The following NXPE2 variants were observed in gnomAD, a reference collection of about 807,000 sequenced individuals.
The protein encoded by NXPE2 is neurexophilin and PC-esterase domain family member 2.
NXPE2 carries 34 observed loss-of-function variants against 34.4 expected under a neutral mutation model. The ratio of observed to expected loss-of-function variants is 0.99; its 90% CI spans 0.75 to 1.31. NXPE2 has a LOEUF of 1.31. Among genes scored for constraint, NXPE2 ranks in the 40% most tolerant of loss-of-function variants. NXPE2 has a pLI of 0.00. For missense variants in NXPE2, 649 were observed against 672.5 expected (o/e 0.97, Z 0.39); for synonymous variants, 235 against 231.3 (o/e 1.02, Z -0.15).
At chr11:114,766,969 A>G in the NXPE2 span, among the ~76,000 whole-genome samples, 736 of 151,742 alleles carry the variant, frequency 4.9e-3, 3 homozygotes, top group African/African-American at 0.016. Flanking sequence ...GAAGAATTAC[A>G]CCTTGAAATT....
At position 114,678,570 on chromosome 11, in the gene NXPE2, G is replaced by T; in HGVS notation, c.-6G>T. The T allele has an allele frequency of 6.5e-7, 1 of 1,547,002 alleles. No homozygotes were observed. The highest frequency in any genetic ancestry group is 8.7e-7 in the Non-Finnish European group (1 of 1,142,860). On this transcript the variant is annotated 5_prime_UTR_variant, in exon 1 of 6. Transcript: ENST00000389586. ...GACACTATAATTCCTGTGAGAACAC[G>T]AGAAGATGGTGGAGAAAATACTCAT...
At chr11:114,626,371 G>A in the NXPE2 span, among the ~76,000 whole-genome samples, 1 of 152,214 alleles carries the variant, frequency 6.6e-6, no homozygotes. Context: ...CCTGACCCCT[G>A]ACCCCCGAGC....
the NXPE2 span, among the ~76,000 whole-genome samples, chr11:114,464,941 GA>G: frequency 6.6e-6 from 1 of 151,670 alleles, no homozygotes; most frequent in Non-Finnish European, 1.5e-5. Context: ...CAATAAACAG[GA>G]AAAAAATGTT....
At chr11:114,532,974 G>A in the NXPE2 span, among the ~76,000 whole-genome samples, 1 of 152,142 alleles carries the variant, frequency 6.6e-6, no homozygotes, top group South Asian at 2.1e-4. Context: ...CATTTACTTA[G>A]CATTACAATT....
At chr11:114,703,714 TAGAC>T (rs950542253) in intron 3 of NXPE2, among the ~76,000 whole-genome samples, 2 of 91,924 alleles carry the variant, frequency 2.2e-5, no homozygotes, top group African/African-American at 3.9e-5. Context: ...GATAGATAGA[TAGAC>T]AGACAGACAG....
At chr11:114,601,832 TTATA>T in the NXPE2 span, among the ~76,000 whole-genome samples, 1 of 71,942 alleles carries the variant, frequency 1.4e-5, no homozygotes, top group East Asian at 4.6e-4. Context: ...TAATATATAA[TTATA>T]TATATAATAT....
the NXPE2 span, among the ~76,000 whole-genome samples, chr11:114,475,923 A>G: frequency 6.6e-6 from 1 of 152,228 alleles, no homozygotes; most frequent in African/African-American, 2.4e-5. Context: ...CACAGTAGCC[A>G]ATCACCAACA....
the NXPE2 span, chr11:114,581,779 C>T: frequency 6.2e-7 from 1 of 1,608,122 alleles, no homozygotes; most frequent in Non-Finnish European, 8.5e-7. Flanking sequence ...TCTACACCCA[C>T]ATTTGACCTT....
At chr11:114,588,798 A>T in the NXPE2 span, among the ~76,000 whole-genome samples, 4 of 152,204 alleles carry the variant, frequency 2.6e-5, no homozygotes, top group Admixed American at 6.5e-5. Flanking sequence ...TGAAAGAAGC[A>T]CTAATAAAAC....
the NXPE2 span, among the ~76,000 whole-genome samples, chr11:114,637,895 C>T: frequency 1.3e-5 from 2 of 152,000 alleles, no homozygotes; most frequent in South Asian, 2.1e-4. Context: ...CTGCCCTTAA[C>T]ATTTTTTCCT....
the NXPE2 span, among the ~76,000 whole-genome samples, chr11:114,627,908 C>G: frequency 2.6e-5 from 4 of 151,562 alleles, no homozygotes. Context: ...CAACAAAGAT[C>G]AAAAGAGACA....
the NXPE2 span, among the ~76,000 whole-genome samples, chr11:114,807,868 A>G: frequency 6.6e-6 from 1 of 152,076 alleles, no homozygotes; most frequent in African/African-American, 2.4e-5. Flanking sequence ...AGACCTCTCC[A>G]CCCCAAATCA....
chr11:114,763,206 A>G, the NXPE2 span, among the ~76,000 whole-genome samples: 2 of 152,170 alleles, frequency 1.3e-5, no homozygotes, highest in Non-Finnish European at 2.9e-5. Flanking sequence ...AAAGACTTCT[A>G]CTATTTGTTC....
the NXPE2 span, among the ~76,000 whole-genome samples, chr11:114,748,365 A>G: frequency 1.3e-5 from 2 of 152,174 alleles, no homozygotes; most frequent in African/African-American, 2.4e-5. Context: ...ATTAACATTG[A>G]TGCATCACTA....
the NXPE2 span, chr11:114,512,780 C>A: frequency 5.9e-6 from 1 of 170,342 alleles, no homozygotes; most frequent in Non-Finnish European, 1.3e-5. Context: ...TGTGCTGTGT[C>A]TCTGGTAGTC....
the NXPE2 span, among the ~76,000 whole-genome samples, chr11:114,755,028 T>C: frequency 1.3e-5 from 2 of 152,178 alleles, no homozygotes; most frequent in Non-Finnish European, 1.5e-5. Flanking sequence ...TTTTGCAATG[T>C]GGAGGTCATT....
intron 2 of NXPE2, among the ~76,000 whole-genome samples, chr11:114,686,509 A>G (rs986246586): frequency 6.6e-6 from 1 of 152,088 alleles, no homozygotes; most frequent in Non-Finnish European, 1.5e-5. Context: ...TTCTTTATTC[A>G]ATCCACCATT....
the NXPE2 span, among the ~76,000 whole-genome samples, chr11:114,467,367 A>C: frequency 6.6e-6 from 1 of 152,186 alleles, no homozygotes; most frequent in Admixed American, 6.5e-5. Context: ...AAAAAGCCAA[A>C]TCTTTACTTT....
chr11:114,748,338 A>G, the NXPE2 span, among the ~76,000 whole-genome samples: 7 of 152,160 alleles, frequency 4.6e-5, no homozygotes, highest in African/African-American at 9.7e-5. Flanking sequence ...CCAAGACACA[A>G]CCTGCAACAT....
Sources: allele counts gnomAD v4.1 joint callset (sites outside exome capture counted in the v4.1 genomes callset), GRCh38; gene constraint gnomAD v4.1.1; transcripts MANE v1.5; gene names NCBI Gene and HGNC (gene_info 2026-07-23, HGNC 2026-07-21).